Variants in SLC11A2 observed in about 807,000 individuals in gnomAD.
SLC11A2 encodes the protein solute carrier family 11 member 2, also known as natural resistance-associated macrophage protein 2.
SLC11A2 carries 38 observed loss-of-function variants against 68.0 expected under a neutral mutation model. The observed-to-expected ratio is 0.56, with a 90% confidence interval of 0.43 to 0.73. The LOEUF (loss-of-function observed/expected upper bound fraction) is 0.73. Among genes scored for constraint, SLC11A2 ranks in the 30% least tolerant of loss-of-function variants. The pLI, the probability that SLC11A2 is intolerant of heterozygous loss-of-function variation, is 0.00. For missense variants in SLC11A2, 517 were observed against 690.5 expected (o/e 0.75, Z 2.82); for synonymous variants, 242 against 250.6 (o/e 0.97, Z 0.32).
intron 8 of SLC11A2, 65 bp from the exon 9 acceptor site, chr12:50,997,037 G>C (rs1243565026): frequency 7.7e-6 from 10 of 1,296,838 alleles, no homozygotes; most frequent in Non-Finnish European, 1.0e-5. Context: ...CATAGTACCA[G>C]GGAACAGTTA....
chr12:50,952,821 C>G, the SLC11A2 span, among the ~76,000 whole-genome samples: 1 of 152,176 alleles, frequency 6.6e-6, no homozygotes, highest in African/African-American at 2.4e-5. Flanking sequence ...ATCCTGGCCT[C>G]TGATGGCTAT....
chr12:51,005,256 G>C, intron 4 of SLC11A2, 55 bp downstream of exon 4: 2 of 1,590,312 alleles, frequency 1.3e-6, no homozygotes, highest in Non-Finnish European at 1.7e-6. Flanking sequence ...GTGGAGAAAA[G>C]GATGTGAGAG....
intron 12 of SLC11A2, 74 bp from the exon 13 acceptor site, chr12:50,992,413 G>C (rs573570133): frequency 7.3e-6 from 10 of 1,362,318 alleles, no homozygotes; most frequent in Non-Finnish European, 9.3e-6. Flanking sequence ...GTTCAGGAGA[G>C]ACCTCAGAAG....
chr12:51,010,929 T>C (rs1943166961), intron 1 of SLC11A2, among the ~76,000 whole-genome samples, 163 bp from the exon 2 acceptor site: 1 of 152,220 alleles, frequency 6.6e-6, no homozygotes, highest in Non-Finnish European at 1.5e-5. Context: ...AGAATATGAC[T>C]GACAGATATT....
At chr12:50,961,133 G>C in the SLC11A2 span, 1 of 1,609,736 alleles carries the variant, frequency 6.2e-7, no homozygotes, top group East Asian at 2.2e-5. Context: ...CTTATGTTCA[G>C]CTGTCTTTGA....
chr12:51,020,893 C>A (rs891125756), intron 1 of SLC11A2, among the ~76,000 whole-genome samples: 1 of 152,022 alleles, frequency 6.6e-6, no homozygotes, highest in Non-Finnish European at 1.5e-5. Flanking sequence ...AATTTGAGAC[C>A]AGCCTGGGCG....
chr12:50,993,479 G>C (rs1194112300), intron 11 of SLC11A2, among the ~76,000 whole-genome samples: 1 of 151,914 alleles, frequency 6.6e-6, no homozygotes, highest in Non-Finnish European at 1.5e-5. Flanking sequence ...AATCCCTTGA[G>C]CCCAGGAGTT....
the SLC11A2 span, chr12:50,961,168 T>C: frequency 2.5e-5 from 37 of 1,499,788 alleles, no homozygotes; most frequent in Non-Finnish European, 3.0e-5. Context: ...ATTTTATTCA[T>C]TCATAGTAGA....
At chr12:50,989,582 G>A (rs752652831) in intron 15 of SLC11A2, among the ~76,000 whole-genome samples, 2 of 152,168 alleles carry the variant, frequency 1.3e-5, no homozygotes, top group African/African-American at 2.4e-5. Context: ...TTTGCATTCT[G>A]AAAGGATCCC....
chr12:51,005,274 T>A (rs369233628), intron 4 of SLC11A2, 37 bp downstream of exon 4: 91 of 1,610,626 alleles, frequency 5.6e-5, no homozygotes, highest in Non-Finnish European at 7.1e-5. Context: ...GAGTGTATTA[T>A]GTGCTTAAAA....
At chr12:51,028,098 C>T, upstream of SLC11A2, 1 of 915,792 alleles carries the variant, frequency 1.1e-6, no homozygotes, top group Non-Finnish European at 1.6e-6. Context: ...TCTATTATAA[C>T]TAGAAAATAA....
chr12:50,964,084 A>G, the SLC11A2 span, among the ~76,000 whole-genome samples: 1 of 152,232 alleles, frequency 6.6e-6, no homozygotes, highest in South Asian at 2.1e-4. Flanking sequence ...ATCCTGAGAT[A>G]TAAGGTTGAA....
chr12:50,996,964 T>G lies in SLC11A2; in HGVS notation c.684A>C (p.Thr228=). 6.2e-7 allele frequency: 1 copy of G among 1,613,960 alleles called. No homozygotes were observed. Among genetic ancestry groups the G allele is most frequent in the Non-Finnish European group, 8.5e-7 (1 of 1,179,824 alleles). ...MALTFGYEYV[T]VKPSQSQVLK... is the part of the protein sequence containing the mutation. ...GTACCTGGCTCTGGCTGGGTTTCACTGTAACATACTACATACCAACATAAC... is the reference window on the plus strand; with the variant it reads ...GTACCTGGCTCTGGCTGGGTTTCACGGTAACATACTACATACCAACATAAC... Residue 228 remains threonine, a synonymous_variant, in exon 9 of 16, where the codon ACA becomes ACC. Transcript: ENST00000262052.
downstream of SLC11A2, chr12:50,979,835 G>C: frequency 2.2e-6 from 1 of 454,088 alleles, no homozygotes; most frequent in South Asian, 1.6e-5. Context: ...AAATAAGGCA[G>C]AGAGGTCATA....
downstream of SLC11A2, chr12:50,980,017 T>C (rs986410220): frequency 4.5e-6 from 2 of 448,364 alleles, no homozygotes; most frequent in Admixed American, 2.4e-5. Context: ...CTTGAGCTCA[T>C]GAGTTCAACA....
chr12:50,984,133 A>G (rs1405263663), downstream of SLC11A2, among the ~76,000 whole-genome samples: 3 of 151,992 alleles, frequency 2.0e-5, no homozygotes, highest in African/African-American at 7.2e-5. Flanking sequence ...CATCTCAGAA[A>G]AAAAAAAAAA....
intron 1 of SLC11A2, among the ~76,000 whole-genome samples, chr12:51,011,374 C>T (rs1354859761): frequency 6.6e-6 from 1 of 151,938 alleles, no homozygotes; most frequent in African/African-American, 2.4e-5. Context: ...GTGATCCGCC[C>T]GCCTCAGCCT....
chr12:51,009,642 T>C (rs1405027803), intron 2 of SLC11A2, among the ~76,000 whole-genome samples: 1 of 152,156 alleles, frequency 6.6e-6, no homozygotes, highest in Non-Finnish European at 1.5e-5. Context: ...TAGGAAGGAA[T>C]AGTCAAAGCA....
At position 50,987,324 on chromosome 12, in the gene SLC11A2, C is replaced by T. The variant is rs150426997; in HGVS notation, c.*1001G>A. 370 of 1,287,146 alleles carry T rather than the reference C, an allele frequency of 2.9e-4. 1 individual carries two copies. The African/African-American group carries it at 4.9e-3, about 17-fold the overall frequency. 79.7% of individuals were successfully genotyped at this position (1,287,146 alleles called of 1,614,324 possible). ...AAGTCCACAGCTCCTGAGATTGCCT[C>T]GCAAGTCATCTTGGGCATGAAGCAG... On this transcript the variant is annotated 3_prime_UTR_variant, in exon 16 of 16. Transcript: ENST00000262052.
Sources: gnomAD v4.1 joint callset for allele counts (sites outside exome capture counted in the v4.1 genomes callset) on GRCh38, gnomAD v4.1.1 for gene constraint, MANE v1.5 for transcripts, NCBI Gene and HGNC (gene_info 2026-07-23, HGNC 2026-07-21) for gene names.